Variants in CSMD1 observed in about 807,000 individuals in gnomAD.
CSMD1 encodes the protein CUB and Sushi multiple domains 1.
In CSMD1, 213 loss-of-function variants were observed where a neutral mutation model predicts 417.5. That is an observed-to-expected ratio of 0.51 (90% CI 0.46 to 0.57). The LOEUF (loss-of-function observed/expected upper bound fraction) is 0.57, where lower values mean the gene tolerates loss of function less well. CSMD1 is among the 20% of genes least tolerant of loss of function. The pLI, the probability that CSMD1 is intolerant of heterozygous loss-of-function variation, is 0.00. For missense variants in CSMD1, 6,923 were observed against 4,529.7 expected, an observed-to-expected ratio of 1.53 and a Z score of -15.17; for synonymous variants, 2,862 against 1,736.8, an observed-to-expected ratio of 1.65 and a Z score of -16.11.
chr8:2,966,427 C>T lies in CSMD1; in HGVS notation c.9100+143G>A, dbSNP rs1315191657. 4 of 737,834 alleles carry T rather than the reference C, an allele frequency of 5.4e-6. No individual in the cohort carries two copies. In the African/African-American group the frequency reaches 7.1e-5, roughly 13 times the overall value. 45.7% of individuals were successfully genotyped at this position (737,834 alleles called of 1,614,324 possible). ...ATCTTAAAGTACTTAAGAAATACAG[C>T]CACAATGTCACACATAGTTTTCCCT... On this transcript the variant is annotated intron_variant, in intron 58 of 69. Coordinates refer to ENST00000635120, the MANE Select transcript of CSMD1 (RefSeq NM_033225.6).
chr8:4,104,428 G>A (rs536355295), intron 3 of CSMD1, among the ~76,000 whole-genome samples: 193 of 143,888 alleles, frequency 1.3e-3, no homozygotes, highest in African/African-American at 4.8e-3. Flanking sequence ...ACACACATGC[G>A]CACACGCATG....
chr8:3,469,671 G>A (rs1339040280), intron 11 of CSMD1, among the ~76,000 whole-genome samples: 1 of 152,200 alleles, frequency 6.6e-6, no homozygotes, highest in East Asian at 1.9e-4. Flanking sequence ...CAGCAAAGTA[G>A]TTTCAGGAAT....
intron 3 of CSMD1, among the ~76,000 whole-genome samples, chr8:4,364,344 T>C (rs968225850): frequency 6.6e-6 from 1 of 152,104 alleles, no homozygotes; most frequent in Non-Finnish European, 1.5e-5. Flanking sequence ...TAAAGAGAAA[T>C]CTTACCTAAG....
chr8:3,732,507 G>T (rs937206986), intron 6 of CSMD1, among the ~76,000 whole-genome samples: 2 of 151,142 alleles, frequency 1.3e-5, no homozygotes, highest in East Asian at 1.9e-4. Context: ...ATAGCTATAA[G>T]AGGAAAATAT....
At chr8:4,430,440 G>C (rs1218810645) in intron 2 of CSMD1, among the ~76,000 whole-genome samples, 1 of 150,874 alleles carries the variant, frequency 6.6e-6, no homozygotes, top group Non-Finnish European at 1.5e-5. Flanking sequence ...GGGACCCTGA[G>C]AGGAATTTCA....
chr8:3,953,101 G>A (rs183322940), intron 5 of CSMD1, among the ~76,000 whole-genome samples: 1 of 151,910 alleles, frequency 6.6e-6, no homozygotes, highest in Admixed American at 6.6e-5. Flanking sequence ...AAAATCAAAA[G>A]CTTTCTCTGA....
At chr8:4,079,517 C>T (rs908129626) in intron 3 of CSMD1, among the ~76,000 whole-genome samples, 4 of 152,178 alleles carry the variant, frequency 2.6e-5, no homozygotes, top group African/African-American at 9.7e-5. Flanking sequence ...ACAATGAAGA[C>T]AGCTGCACAT....
intron 5 of CSMD1, among the ~76,000 whole-genome samples, chr8:3,985,668 T>C (rs530497262): frequency 2.6e-5 from 4 of 152,082 alleles, no homozygotes; most frequent in Admixed American, 6.6e-5. Context: ...AGGTTGATGC[T>C]AGAATTCTCA....
rs567882149 is a variant in CSMD1 at position 3,404,824 on chromosome 8, G to C, written c.2266+1203C>G. Among the ~76,000 whole-genome samples the C allele has an allele frequency of 4.6e-5, 7 of 152,132 alleles. No individual in the cohort carries two copies. The South Asian group carries it at 8.3e-4, about 18-fold the overall frequency. On this transcript the variant is annotated intron_variant, in intron 15 of 69. Transcript: ENST00000635120. Reference sequence around the variant, plus strand: ...GCTAAGGACACCTGAGACGCTTTGAGCTTATGATCTTTGTATTGATACCTG... The same window carrying C: ...GCTAAGGACACCTGAGACGCTTTGACCTTATGATCTTTGTATTGATACCTG...
chr8:4,419,690 T>G (rs1375670490), intron 3 of CSMD1, among the ~76,000 whole-genome samples: 6 of 152,284 alleles, frequency 3.9e-5, no homozygotes, highest in African/African-American at 9.6e-5. Flanking sequence ...TTCTCAAAAC[T>G]TATTCGCTAC....
At chr8:4,240,956 C>A (rs539130790) in intron 3 of CSMD1, among the ~76,000 whole-genome samples, 57 of 152,304 alleles carry the variant, frequency 3.7e-4, no homozygotes, top group African/African-American at 1.3e-3. Context: ...ATTATACCTT[C>A]TAAATACCCT....
At chr8:3,999,236 G>A (rs1261463688) in intron 4 of CSMD1, among the ~76,000 whole-genome samples, 4 of 151,688 alleles carry the variant, frequency 2.6e-5, no homozygotes, top group African/African-American at 9.7e-5. Flanking sequence ...ATACTGCAAT[G>A]TGGATGATAT....
At chr8:3,852,759 A>G (rs1019123096) in intron 5 of CSMD1, among the ~76,000 whole-genome samples, 1 of 152,080 alleles carries the variant, frequency 6.6e-6, no homozygotes, top group African/African-American at 2.4e-5. Context: ...CCCGCTGCAC[A>G]GGTTTGTAGG....
At position 3,080,860 on chromosome 8, in the gene CSMD1, C is replaced by T. The variant is rs1458421303; in HGVS notation, c.7474+6237G>A. On this transcript the variant is annotated intron_variant, in intron 49 of 69. Transcript: ENST00000635120. The stretch of plus-strand genomic sequence containing the variant: ...TGGGGGCTACTTTGGAGGGGGATGG[C>T]CCTCACAATGTATCCTCCAATTTCA... 2.6e-5 allele frequency among the ~76,000 whole-genome samples: 4 copies of T among 152,120 alleles called. No homozygotes were observed. The East Asian group carries it at 7.7e-4, about 29-fold the overall frequency.
chr8:4,479,040 T>C (rs141508936), intron 2 of CSMD1, among the ~76,000 whole-genome samples: 35 of 152,124 alleles, frequency 2.3e-4, no homozygotes, highest in Middle Eastern at 6.8e-3. Context: ...TAACACAGAG[T>C]ATGGCAGGGG....
chr8:3,563,307 A>G (rs920251254), intron 10 of CSMD1, among the ~76,000 whole-genome samples: 6 of 152,026 alleles, frequency 3.9e-5, no homozygotes, highest in African/African-American at 7.2e-5. Context: ...TAATTTAAAC[A>G]ATTGCTGAAT....
At chr8:4,750,800 C>A (rs980959085) in intron 1 of CSMD1, among the ~76,000 whole-genome samples, 1 of 151,248 alleles carries the variant, frequency 6.6e-6, no homozygotes, top group East Asian at 1.9e-4. Context: ...TCGTTGGTTG[C>A]TTTTTTATGC....
chr8:3,500,362 C>A (rs1351880708), intron 10 of CSMD1, among the ~76,000 whole-genome samples: 2 of 152,088 alleles, frequency 1.3e-5, no homozygotes, highest in East Asian at 3.9e-4. Flanking sequence ...TACGTCAAGC[C>A]ACTGTGGCCA....
intron 1 of CSMD1, among the ~76,000 whole-genome samples, chr8:4,892,634 C>G (rs1434269219): frequency 6.6e-6 from 1 of 152,026 alleles, no homozygotes; most frequent in Non-Finnish European, 1.5e-5. Flanking sequence ...GACGTGAACA[C>G]TTAACTTTTG....
Sources: allele counts gnomAD v4.1 joint callset (sites outside exome capture counted in the v4.1 genomes callset), GRCh38; gene constraint gnomAD v4.1.1; transcripts MANE v1.5; gene names NCBI Gene and HGNC (gene_info 2026-07-23, HGNC 2026-07-21).